Variants in VGLL4 observed in about 807,000 individuals in gnomAD.
The protein encoded by VGLL4 is transcription cofactor vestigial-like protein 4.
Under a neutral mutation model 21.0 loss-of-function variants are expected in VGLL4, and 7 were observed. The observed-to-expected ratio is 0.33, with a 90% CI of 0.19 to 0.63. The LOEUF (loss-of-function observed/expected upper bound fraction) is 0.63, where lower values mean the gene tolerates loss of function less well. Ranked by LOEUF, VGLL4 falls within the 20% of genes least tolerant of loss-of-function variation. The pLI, the probability that VGLL4 is intolerant of heterozygous loss-of-function variation, is 0.78. For missense variants in VGLL4, 394 were observed against 425.7 expected (o/e 0.93, Z 0.66); for synonymous variants, 222 against 173.2 (o/e 1.28, Z -2.21).
At chr3:11,604,217 T>A in intron 1 of VGLL4, 7 of 255,902 alleles carry the variant, frequency 2.7e-5, no homozygotes, top group Non-Finnish European at 4.2e-5. Context: ...ATGCGTGCTG[T>A]AGTACTTCAG....
Position 11,674,370 on chromosome 3 carries a change from C to T in VGLL4, c.64+28601G>A, listed in dbSNP as rs181855430. Among the ~76,000 whole-genome samples, 17 of 152,250 alleles carry T rather than the reference C, an allele frequency of 1.1e-4. No homozygotes were observed. The East Asian group carries it at 2.5e-3, about 23-fold the overall frequency. On this transcript the variant is annotated intron_variant, in intron 2 of 5. Transcript: ENST00000273038. Reference sequence around the variant, plus strand: ...CTTGTGTGTCCCAGACACGGAACTGCGGCTAGAGAGCCAAGACACAATCCC... The same window carrying T: ...CTTGTGTGTCCCAGACACGGAACTGTGGCTAGAGAGCCAAGACACAATCCC...
intron 1 of VGLL4, among the ~76,000 whole-genome samples, chr3:11,712,243 G>C (rs2076856711): frequency 6.6e-6 from 1 of 152,122 alleles, no homozygotes; most frequent in African/African-American, 2.4e-5. Flanking sequence ...TCTAGGCTTT[G>C]CCCTAGATGT....
intron 2 of VGLL4, among the ~76,000 whole-genome samples, chr3:11,599,399 C>A (rs1347784238): frequency 6.6e-6 from 1 of 150,542 alleles, no homozygotes; most frequent in Non-Finnish European, 1.5e-5. Flanking sequence ...ATAATAATGT[C>A]AATTGTGATT....
chr3:11,674,011 C>CAA (rs11293628), intron 2 of VGLL4, among the ~76,000 whole-genome samples: 12 of 56,894 alleles, frequency 2.1e-4, no homozygotes, highest in East Asian at 4.5e-4. Flanking sequence ...GACTTTGTCT[C>CAA]AAAAAAAAAA....
At chr3:11,666,134 C>T (rs986643701) in intron 2 of VGLL4, among the ~76,000 whole-genome samples, 4 of 152,104 alleles carry the variant, frequency 2.6e-5, no homozygotes, top group African/African-American at 9.7e-5. Flanking sequence ...CGCCTGTAGT[C>T]CCAGCTACTT....
intron 1 of VGLL4, among the ~76,000 whole-genome samples, chr3:11,629,707 C>G (rs976441545): frequency 7.0e-6 from 1 of 143,188 alleles, no homozygotes; most frequent in Non-Finnish European, 1.5e-5. Flanking sequence ...GAGATGAGAT[C>G]GCTGCACTCC....
intron 1 of VGLL4, among the ~76,000 whole-genome samples, chr3:11,615,319 C>A (rs949827792): frequency 6.6e-6 from 1 of 152,168 alleles, no homozygotes; most frequent in Non-Finnish European, 1.5e-5. Context: ...TAAAGGAATT[C>A]TTTTCTCTTT....
rs931271397 is a variant in VGLL4 at position 11,557,144 on chromosome 3, C to G, written c.*1412G>C. The G allele has an allele frequency of 1.3e-5, 2 of 152,662 alleles. No individual in the cohort carries two copies. The highest frequency in any genetic ancestry group is 4.8e-5 in the African/African-American group (2 of 41,452). 9.5% of individuals were successfully genotyped at this position (152,662 alleles called of 1,614,324 possible). ...ACACCCCAGGGGGAGGGGATAGAAA[C>G]GCTCATTGACCAAAAAGGAGCAGCT... On this transcript the variant is annotated 3_prime_UTR_variant, in exon 5 of 5. Transcript: ENST00000430365.
rs535868780 is a variant in VGLL4, at chr3:11,606,774, A to C, written c.83-4752T>G. ...ATGAGCAGGACATAGGCAGGGACAA[A>C]TAAGGGAATAAAAGCTGGCCACTCC... On this transcript the variant is annotated intron_variant, in intron 1 of 4. Transcript: ENST00000430365. 5.9e-5 allele frequency among the ~76,000 whole-genome samples: 9 copies of C among 152,300 alleles called. No homozygotes were observed. The East Asian group carries it at 1.7e-3, about 29-fold the overall frequency.
chr3:11,686,728 T>C (rs2076454448), intron 2 of VGLL4, among the ~76,000 whole-genome samples: 1 of 152,220 alleles, frequency 6.6e-6, no homozygotes, highest in African/African-American at 2.4e-5. Context: ...TTAAATTTTG[T>C]CCCTATGACA....
At chr3:11,628,653 T>C (rs994329336) in intron 1 of VGLL4, among the ~76,000 whole-genome samples, 3 of 152,090 alleles carry the variant, frequency 2.0e-5, no homozygotes, top group Non-Finnish European at 4.4e-5. Context: ...ACCCCGTCTC[T>C]ACTAAAAATA....
chr3:11,610,848 T>A (rs1559899034), intron 1 of VGLL4: 1 of 152,254 alleles, frequency 6.6e-6, no homozygotes, highest in Non-Finnish European at 1.5e-5. Flanking sequence ...TGTGTTTTAT[T>A]TTATAAGCGT....
At chr3:11,710,469 T>C (rs1305797650) in intron 1 of VGLL4, 1 of 152,172 alleles carries the variant, frequency 6.6e-6, no homozygotes, top group Non-Finnish European at 1.5e-5. Context: ...GCAACTACCT[T>C]GTCTAGATGT....
At chr3:11,626,738 T>A (rs1048359131) in intron 1 of VGLL4, among the ~76,000 whole-genome samples, 1 of 152,094 alleles carries the variant, frequency 6.6e-6, no homozygotes, top group African/African-American at 2.4e-5. Context: ...CCATGTGATA[T>A]AAATGGGTTT....
intron 2 of VGLL4, among the ~76,000 whole-genome samples, chr3:11,669,008 C>G (rs1484674991): frequency 6.6e-6 from 1 of 152,258 alleles, no homozygotes; most frequent in African/African-American, 2.4e-5. Context: ...TCCTCTAACA[C>G]AGCAAAGGCT....
chr3:11,716,209 G>A (rs927531271), intron 1 of VGLL4, among the ~76,000 whole-genome samples: 26 of 151,572 alleles, frequency 1.7e-4, no homozygotes, highest in African/African-American at 6.3e-4. Context: ...GGCTGAGGCA[G>A]GAGAATCACT....
chr3:11,699,980 C>A (rs139094394), intron 2 of VGLL4, among the ~76,000 whole-genome samples: 2 of 152,134 alleles, frequency 1.3e-5, no homozygotes, highest in African/African-American at 4.8e-5. Context: ...TTTGTTTCTC[C>A]GAAAACAGCT....
chr3:11,705,408 T>G (rs1359115931), intron 1 of VGLL4, among the ~76,000 whole-genome samples: 1 of 151,868 alleles, frequency 6.6e-6, no homozygotes, highest in African/African-American at 2.4e-5. Context: ...AGACTAAGAG[T>G]GGCAGGGAGG....
intron 2 of VGLL4, among the ~76,000 whole-genome samples, chr3:11,582,991 CT>C (rs1360396276): frequency 6.6e-6 from 1 of 152,204 alleles, no homozygotes; most frequent in Non-Finnish European, 1.5e-5. Flanking sequence ...TCTTGGTGAA[CT>C]TACAGGTGGG....
Sources: allele counts gnomAD v4.1 joint callset (sites outside exome capture counted in the v4.1 genomes callset), GRCh38; gene constraint gnomAD v4.1.1; transcripts MANE v1.5; gene names NCBI Gene and HGNC (gene_info 2026-07-23, HGNC 2026-07-21).